PDE1C: variants seen among roughly 807,000 people sequenced by gnomAD.
PDE1C encodes the protein dual specificity calcium/calmodulin-dependent 3',5'-cyclic nucleotide phosphodiesterase 1C.
PDE1C carries 62 observed loss-of-function variants against 93.1 expected under a neutral mutation model. The ratio of observed to expected loss-of-function variants is 0.67; its 90% CI spans 0.54 to 0.82. The LOEUF (loss-of-function observed/expected upper bound fraction) is 0.82. Ranked by LOEUF, PDE1C falls within the 40% of genes least tolerant of loss-of-function variation. The pLI is 0.00. For synonymous variants in PDE1C, 325 were observed against 310.1 expected (o/e 1.05, Z -0.50); for missense variants, 742 against 884.6 (o/e 0.84, Z 2.04).
chr7:32,212,959 G>A (rs906652664), intron 1 of PDE1C, among the ~76,000 whole-genome samples: 4 of 152,194 alleles, frequency 2.6e-5, no homozygotes, highest in Non-Finnish European at 4.4e-5. Context: ...CAGGTGATAT[G>A]GTGGGTGCTG....
intron 1 of PDE1C, among the ~76,000 whole-genome samples, chr7:32,383,641 CTGGATGGA>C (rs3079653): frequency 9.3e-5 from 14 of 151,054 alleles, no homozygotes; most frequent in East Asian, 3.9e-4. Flanking sequence ...TATCAGAATG[CTGGATGGA>C]TGGATGGATG....
intron 2 of PDE1C, among the ~76,000 whole-genome samples, chr7:31,980,058 C>A (rs1364265538): frequency 6.6e-6 from 1 of 152,180 alleles, no homozygotes; most frequent in East Asian, 1.9e-4. Context: ...TGTGCAGACT[C>A]CAGAAAGGAG....
Position 32,053,109 on chromosome 7 carries a change from C to T in PDE1C, c.102-1529G>A, listed in dbSNP as rs147951575. 1.0e-3 allele frequency among the ~76,000 whole-genome samples: 154 copies of T among 152,236 alleles called. 1 individual carries two copies. Among genetic ancestry groups the T allele is most frequent in the East Asian group, 3.5e-3 (18 of 5,180 alleles). The stretch of plus-strand genomic sequence containing the variant: ...CCTTTGAAGCAAACTATCTATGTTC[C>T]AGTCTTGGCTCTAGCACTTAGCTTT... On this transcript the variant is annotated intron_variant, in intron 1 of 17. Transcript: ENST00000396191.
chr7:32,022,211 C>T (rs941124420), intron 2 of PDE1C, among the ~76,000 whole-genome samples: 7 of 151,688 alleles, frequency 4.6e-5, no homozygotes, highest in African/African-American at 1.7e-4. Flanking sequence ...AAGGAGAGAA[C>T]AAATAAACAC....
At chr7:32,227,059 G>C (rs1294369391) in intron 1 of PDE1C, among the ~76,000 whole-genome samples, 1 of 152,178 alleles carries the variant, frequency 6.6e-6, no homozygotes, top group East Asian at 1.9e-4. Context: ...GAGGAAAGGA[G>C]GTCTCTGCCC....
chr7:31,911,312 T>C (rs1801220682), intron 2 of PDE1C, among the ~76,000 whole-genome samples: 1 of 152,186 alleles, frequency 6.6e-6, no homozygotes, highest in Non-Finnish European at 1.5e-5. Context: ...ATTTTAATCC[T>C]TTGAAAATTG....
At chr7:31,675,360 T>C in the PDE1C span, among the ~76,000 whole-genome samples, 2 of 152,292 alleles carry the variant, frequency 1.3e-5, no homozygotes, top group East Asian at 3.9e-4. Flanking sequence ...ACCTAGATCC[T>C]ACTCCTGGAG....
chr7:31,809,931 C>G (rs1787345312), intron 15 of PDE1C, among the ~76,000 whole-genome samples: 1 of 152,034 alleles, frequency 6.6e-6, no homozygotes, highest in African/African-American at 2.4e-5. Flanking sequence ...ATTAAGGCCC[C>G]TGGGTCAATG....
the PDE1C span, among the ~76,000 whole-genome samples, chr7:31,639,420 T>C: frequency 1.9e-5 from 2 of 106,546 alleles, no homozygotes; most frequent in African/African-American, 8.3e-5. Context: ...TTTTCATCTC[T>C]AGACATTCAA....
chr7:32,345,901 A>G (rs1220478555), intron 1 of PDE1C, among the ~76,000 whole-genome samples: 1 of 152,222 alleles, frequency 6.6e-6, no homozygotes, highest in Non-Finnish European at 1.5e-5. Context: ...GGAAATGCAA[A>G]ATGGTATAAT....
At chr7:32,405,452 T>C (rs1004946335) in intron 1 of PDE1C, among the ~76,000 whole-genome samples, 1 of 152,104 alleles carries the variant, frequency 6.6e-6, no homozygotes, top group African/African-American at 2.4e-5. Context: ...GGTTTCTCCA[T>C]GTTGGTCAGG....
In PDE1C at chr7:31,753,343, T is replaced by A. The variant is rs564214732; in HGVS notation, c.*41A>T. The A allele has an allele frequency of 6.3e-7, 1 of 1,588,916 alleles. No individual in the cohort carries two copies. Among genetic ancestry groups the A allele is most frequent in the Middle Eastern group, 1.7e-4 (1 of 5,918 alleles). On this transcript the variant is annotated 3_prime_UTR_variant, in exon 18 of 18. Coordinates refer to ENST00000396191, the MANE Select transcript of PDE1C (RefSeq NM_001191057.4). ...TGGCCAGTGGGTGCTGAGAAGCAGA[T>A]AGGTAGACCCTCCTTCACTCCCTCT...
intron 5 of PDE1C, among the ~76,000 whole-genome samples, chr7:31,874,694 C>T (rs1018524585): frequency 7.9e-5 from 12 of 152,230 alleles, no homozygotes; most frequent in African/African-American, 2.7e-4. Flanking sequence ...TTGAATTGTT[C>T]CAATTCACAC....
chr7:32,274,580 G>C (rs1263006237), intron 1 of PDE1C, among the ~76,000 whole-genome samples: 1 of 152,034 alleles, frequency 6.6e-6, no homozygotes, highest in Non-Finnish European at 1.5e-5. Flanking sequence ...TGGTTTGTTG[G>C]ATGTGAAAAA....
chr7:32,201,830 C>CAGAGAGAGGAACAAG (rs1439803372), intron 2 of PDE1C, among the ~76,000 whole-genome samples: 1 of 152,194 alleles, frequency 6.6e-6, no homozygotes, highest in African/African-American at 2.4e-5. Context: ...CATATTGTGG[C>CAGAGAGAGGAACAAG]TCTCTCTTGT....
At chr7:31,651,163 G>A in the PDE1C span, 1 of 1,613,446 alleles carries the variant, frequency 6.2e-7, no homozygotes, top group Admixed American at 1.7e-5. Flanking sequence ...TGAGATGGAA[G>A]CCATGAAGAC....
intron 3 of PDE1C, among the ~76,000 whole-genome samples, chr7:32,125,366 G>C (rs1405312284): frequency 1.3e-5 from 2 of 152,078 alleles, no homozygotes; most frequent in Non-Finnish European, 2.9e-5. Context: ...TCCCATTACT[G>C]GGTATATACC....
the PDE1C span, among the ~76,000 whole-genome samples, chr7:31,703,703 G>T: frequency 1.3e-5 from 2 of 152,160 alleles, no homozygotes; most frequent in African/African-American, 2.4e-5. Context: ...TTCTAATAAG[G>T]GTGTTGAGAG....
intron 1 of PDE1C, among the ~76,000 whole-genome samples, chr7:32,214,752 C>T (rs1028198608): frequency 3.9e-5 from 6 of 152,154 alleles, no homozygotes; most frequent in Non-Finnish European, 7.3e-5. Context: ...TAGTGGGCAA[C>T]TCTTTGCATT....
Sources: allele counts gnomAD v4.1 joint callset (sites outside exome capture counted in the v4.1 genomes callset), GRCh38; gene constraint gnomAD v4.1.1; transcripts MANE v1.5; gene names NCBI Gene and HGNC (gene_info 2026-07-23, HGNC 2026-07-21).